Variants in LDB2 observed in about 807,000 individuals in gnomAD.
The protein encoded by LDB2 is LIM domain binding 2, also known as LIM domain-binding protein 2.
LDB2 carries 12 observed loss-of-function variants against 44.3 expected under a neutral mutation model. That is an observed-to-expected ratio of 0.27 (90% CI 0.17 to 0.44). The LOEUF is 0.44. LDB2 is among the 20% of genes least tolerant of loss of function. The pLI, the probability that LDB2 is intolerant of heterozygous loss-of-function variation, is 1.00. For synonymous variants in LDB2, 164 were observed against 174.8 expected, an observed-to-expected ratio of 0.94 and a Z score of 0.49; for missense variants, 344 against 473.5, an observed-to-expected ratio of 0.73 and a Z score of 2.54.
chr4:16,573,125 T>C (rs1473455899), intron 5 of LDB2, among the ~76,000 whole-genome samples: 4 of 152,234 alleles, frequency 2.6e-5, no homozygotes, highest in Non-Finnish European at 5.9e-5. Flanking sequence ...ATCGGCTTTG[T>C]GGCCTTAGGC....
At chr4:16,713,045 A>G (rs1414289358) in intron 2 of LDB2, among the ~76,000 whole-genome samples, 4 of 152,386 alleles carry the variant, frequency 2.6e-5, no homozygotes, top group East Asian at 3.9e-4. Flanking sequence ...GTAATGATAC[A>G]TGCTACAACA....
chr4:16,851,397 A>G (rs965622997), intron 1 of LDB2, among the ~76,000 whole-genome samples: 1 of 152,118 alleles, frequency 6.6e-6, no homozygotes, highest in African/African-American at 2.4e-5. Flanking sequence ...GTTTCTTAGT[A>G]GGGATTGTGG....
chr4:16,866,545 G>A (rs1714760498), intron 1 of LDB2, among the ~76,000 whole-genome samples: 2 of 152,130 alleles, frequency 1.3e-5, no homozygotes, highest in Admixed American at 1.3e-4. Flanking sequence ...AGGGAAGTGA[G>A]TGGCCCAACA....
chr4:16,539,377 C>G (rs1229642455), intron 5 of LDB2, among the ~76,000 whole-genome samples: 1 of 152,132 alleles, frequency 6.6e-6, no homozygotes, highest in African/African-American at 2.4e-5. Flanking sequence ...GTTCATGGTA[C>G]TTCAAGGAAA....
At chr4:16,894,870 G>A (rs1013717782) in intron 1 of LDB2, among the ~76,000 whole-genome samples, 4 of 151,848 alleles carry the variant, frequency 2.6e-5, no homozygotes, top group African/African-American at 9.7e-5. Context: ...AAACCAAACT[G>A]GACCTTCAAG....
At chr4:16,808,767 A>G (rs1779243009) in intron 1 of LDB2, among the ~76,000 whole-genome samples, 1 of 152,188 alleles carries the variant, frequency 6.6e-6, no homozygotes. Context: ...CACATTTGCT[A>G]GAAAACTTGG....
chr4:16,551,451 C>T (rs1737626110), intron 5 of LDB2, among the ~76,000 whole-genome samples: 1 of 152,114 alleles, frequency 6.6e-6, no homozygotes, highest in African/African-American at 2.4e-5. Flanking sequence ...TGGACCAACT[C>T]CATGAAAAAG....
rs1409650989 is a variant in LDB2, at chr4:16,541,383, A to C, written c.616-29279T>G. Among the ~76,000 whole-genome samples, 3 of 152,174 alleles carry C rather than the reference A, an allele frequency of 2.0e-5. No individual in the cohort carries two copies. In the East Asian group the frequency reaches 5.8e-4, roughly 29 times the overall value. On this transcript the variant is annotated intron_variant, in intron 5 of 7. Coordinates refer to ENST00000304523, the MANE Select transcript of LDB2 (RefSeq NM_001290.5). The stretch of plus-strand genomic sequence containing the variant: ...CTAGCTTCACCTTTTGCCACGAGTA[A>C]GAGCTCCCTGAGGCCTCCTCAGAAG...
intron 3 of LDB2, among the ~76,000 whole-genome samples, chr4:16,591,759 T>C (rs144517691): frequency 2.7e-3 from 414 of 152,232 alleles, no homozygotes; most frequent in African/African-American, 9.4e-3. Context: ...TATTCAGAAA[T>C]GGTAAAAAAA....
intron 2 of LDB2, among the ~76,000 whole-genome samples, chr4:16,602,236 GAAGGCCAACTAGTTT>G (rs957828836): frequency 1.3e-4 from 20 of 152,152 alleles, no homozygotes; most frequent in African/African-American, 4.8e-4. Context: ...GATAGCTCGG[GAAGGCCAACTAGTTT>G]AGATTGGCCA....
At chr4:16,827,319 A>G (rs1783239876) in intron 1 of LDB2, among the ~76,000 whole-genome samples, 1 of 152,226 alleles carries the variant, frequency 6.6e-6, no homozygotes, top group African/African-American at 2.4e-5. Context: ...TTGAGATTTT[A>G]AAAAGGAGTG....
chr4:16,770,101 T>A (rs1770316731), intron 1 of LDB2, among the ~76,000 whole-genome samples: 1 of 152,238 alleles, frequency 6.6e-6, no homozygotes, highest in Non-Finnish European at 1.5e-5. Flanking sequence ...CCTCAGTGTG[T>A]ATGTGCCAAC....
chr4:16,779,887 T>A (rs1030268617), intron 1 of LDB2, among the ~76,000 whole-genome samples: 9 of 152,234 alleles, frequency 5.9e-5, no homozygotes, highest in Non-Finnish European at 1.3e-4. Context: ...TTTGACTTTT[T>A]TCATTTTCTT....
At chr4:16,706,755 C>T (rs1215614904) in intron 2 of LDB2, among the ~76,000 whole-genome samples, 1 of 152,114 alleles carries the variant, frequency 6.6e-6, no homozygotes, top group Non-Finnish European at 1.5e-5. Context: ...TGATAGCTGG[C>T]TGTATTTTAA....
chr4:16,772,754 T>C (rs1770985951), intron 1 of LDB2, among the ~76,000 whole-genome samples: 1 of 152,086 alleles, frequency 6.6e-6, no homozygotes, highest in Non-Finnish European at 1.5e-5. Context: ...CTAGGAACAA[T>C]GTGTTTGCCC....
chr4:16,857,764 G>A (rs1789638835), intron 1 of LDB2, among the ~76,000 whole-genome samples: 1 of 152,140 alleles, frequency 6.6e-6, no homozygotes, highest in African/African-American at 2.4e-5. Context: ...CCTCAGCAGT[G>A]AGGCTTTCTC....
intron 2 of LDB2, among the ~76,000 whole-genome samples, chr4:16,684,088 T>A (rs1396001500): frequency 6.6e-6 from 1 of 152,228 alleles, no homozygotes; most frequent in Non-Finnish European, 1.5e-5. Context: ...CTTTCCTCCA[T>A]GGAAAATGGG....
chr4:16,676,989 G>C (rs1191796033), intron 2 of LDB2, among the ~76,000 whole-genome samples: 3 of 152,182 alleles, frequency 2.0e-5, no homozygotes, highest in African/African-American at 7.2e-5. Context: ...GTTGAGATTG[G>C]ATTCTTGGCC....
At chr4:16,565,560 C>T (rs1744196271) in intron 5 of LDB2, among the ~76,000 whole-genome samples, 1 of 151,772 alleles carries the variant, frequency 6.6e-6, no homozygotes, top group South Asian at 2.1e-4. Flanking sequence ...TAGAAGCATT[C>T]CTATTAAAGT....
Sources: allele counts gnomAD v4.1 joint callset (sites outside exome capture counted in the v4.1 genomes callset), GRCh38; gene constraint gnomAD v4.1.1; transcripts MANE v1.5; gene names NCBI Gene and HGNC (gene_info 2026-07-23, HGNC 2026-07-21).